THOC3: variants seen among roughly 807,000 people sequenced by gnomAD.
The protein encoded by THOC3 is THO complex subunit 3, also known as TEX1 homolog.
THOC3 carries 4 observed loss-of-function variants against 23.3 expected under a neutral mutation model. The observed-to-expected ratio is 0.17, with a 90% CI of 0.08 to 0.39. THOC3 has a LOEUF of 0.39. THOC3 is among the 10% of genes least tolerant of loss of function. THOC3 has a pLI of 1.00. For synonymous variants in THOC3, 27 were observed against 141.5 expected (o/e 0.19, Z 5.74); for missense variants, 64 against 359.4 (o/e 0.18, Z 6.65).
chr5:175,962,407 AAT>A lies in THOC3; in HGVS notation c.630-975_630-974del, dbSNP rs201051870. On this transcript the variant is annotated intron_variant, in intron 3 of 5. Transcript: ENST00000265097. ...GAATTCATAAGGTATTTTATCTTTA[AAT>A]ATATATATATATACACACACACACA... Among the ~76,000 whole-genome samples, 28 of 53,046 alleles carry A rather than the reference AAT, an allele frequency of 5.3e-4. 2 individuals are homozygous for A. Among genetic ancestry groups the A allele is most frequent in the Middle Eastern group, 0.013 (1 of 76 alleles). The allele number at this position is 53,046 out of a possible 152,430, so 34.8% of individuals were successfully genotyped here.
intron 2 of THOC3, among the ~76,000 whole-genome samples, chr5:175,966,380 G>GATAA (rs1399973515): frequency 6.0e-5 from 9 of 151,140 alleles, no homozygotes; most frequent in African/African-American, 2.2e-4. Flanking sequence ...CGCCTCCAGA[G>GATAA]ATAAGTCTTG....
intron 3 of THOC3, among the ~76,000 whole-genome samples, chr5:175,964,525 G>T (rs1756728494): frequency 6.6e-6 from 1 of 152,050 alleles, no homozygotes; most frequent in Non-Finnish European, 1.5e-5. Flanking sequence ...GCTGAGGCAG[G>T]AGAATCGCTT....
rs1756739311 is a variant in THOC3, at chr5:175,965,028, C to T, written c.552G>A (p.Glu184=). The T allele has an allele frequency of 2.0e-6, 3 of 1,536,936 alleles. No individual in the cohort carries two copies. Among genetic ancestry groups the T allele is most frequent in the Non-Finnish European group, 2.7e-6 (3 of 1,121,450 alleles). The part of the protein sequence containing the change: ...RSKAEEQFKF[E]VNEISWNNDN... ...CATTGTTCCAGGAGATTTCGTTGAC[C>T]TCGAACTTGAACTGCTCTTCTGCTT... The change falls in exon 3 of 6, where the codon GAG becomes GAA. Residue 184 remains glutamate, a synonymous_variant. Coordinates refer to ENST00000265097, the MANE Select transcript of THOC3 (RefSeq NM_032361.4).
At chr5:175,966,173 C>T (rs200843071) in intron 2 of THOC3, among the ~76,000 whole-genome samples, 3,988 of 150,072 alleles carry the variant, frequency 0.027, no homozygotes, top group East Asian at 0.098. Flanking sequence ...GGGCAAGACC[C>T]TGTCTCAAAA....
chr5:175,963,961 T>G (rs532944888), intron 3 of THOC3, among the ~76,000 whole-genome samples: 1 of 152,430 alleles, frequency 6.6e-6, no homozygotes, highest in Non-Finnish European at 1.5e-5. Flanking sequence ...GTCTGTTCTT[T>G]CCGTGGAATT....
At chr5:175,965,398 T>C (rs2113057144) in intron 2 of THOC3, 1 of 563,346 alleles carries the variant, frequency 1.8e-6, no homozygotes, top group Non-Finnish European at 3.2e-6. Flanking sequence ...ATTTATAAAA[T>C]CTATAAGATT....
rs1476116156 is a variant in THOC3 at position 175,962,421 on chromosome 5, T to TATAC, written c.630-988_630-987insGTAT. Among the ~76,000 whole-genome samples, 5 of 44,192 alleles carry TATAC rather than the reference T, an allele frequency of 1.1e-4. 1 individual carries two copies. The highest frequency in any genetic ancestry group is 1.0e-4 in the Non-Finnish European group (2 of 19,256). 29.0% of individuals were successfully genotyped at this position (44,192 alleles called of 152,430 possible). A position where few individuals can be genotyped will look rare whatever the true frequency, so the allele number is the denominator to read the frequency against. On this transcript the variant is annotated intron_variant, in intron 3 of 5. Coordinates refer to ENST00000265097, the MANE Select transcript of THOC3 (RefSeq NM_032361.4). The stretch of plus-strand genomic sequence containing the variant: ...TTTTATCTTTAAATATATATATATA[T>TATAC]ACACACACACACACACACACACGTA...
rs1298706467 is a variant in THOC3 at position 175,965,149 on chromosome 5, T to C, written c.431A>G (p.Asn144Ser). ...ATCAGGACTCCAGCAGATATTAATG[T>C]TCTCCCCTGGGAACCCAGACATAAT... ...CIATVNTKGENINICWSPDGQ... is the reference protein window; with the variant it reads ...CIATVNTKGESINICWSPDGQ... The change falls in exon 3 of 6, where the codon AAC (asparagine) becomes AGC (serine). Residue 144 changes from asparagine (N) to serine (S), a missense_variant. Transcript: ENST00000265097. 1 of 1,576,606 alleles carries C rather than the reference T, an allele frequency of 6.3e-7. No homozygotes were observed. The highest frequency in any genetic ancestry group is 1.4e-5 in the African/African-American group (1 of 73,094).
At chr5:175,961,931 G>A (rs1221973793) in intron 3 of THOC3, among the ~76,000 whole-genome samples, 10 of 151,206 alleles carry the variant, frequency 6.6e-5, no homozygotes, top group Non-Finnish European at 8.8e-5. Context: ...AACGCTTCCC[G>A]AGGAATCTTA....
At position 175,967,965 on chromosome 5, in the gene THOC3, A is replaced by C; in HGVS notation, c.244T>G (p.Phe82Val). 1 of 1,589,480 alleles carries C rather than the reference A, an allele frequency of 6.3e-7. No individual in the cohort carries two copies. Among genetic ancestry groups the C allele is most frequent in the Non-Finnish European group, 8.6e-7 (1 of 1,168,696 alleles). ...ACCAACCGGTCCTTCTCCAGCAAGA[A>C]GACGCTGGCCGTCTTGTCGAAGGAC... ...SGSFDKTASVFLLEKDRLVKE... is the reference protein window; with the variant it reads ...SGSFDKTASVVLLEKDRLVKE... Residue 82 changes from phenylalanine (F) to valine (V), a missense_variant, in exon 1 of 6, where the codon TTC becomes GTC. Transcript: ENST00000265097.
chr5:175,961,747 T>C (rs2113050568), intron 3 of THOC3, among the ~76,000 whole-genome samples: 1 of 152,058 alleles, frequency 6.6e-6, no homozygotes, highest in South Asian at 2.1e-4. Flanking sequence ...TGGAGTACCA[T>C]ATTTAAGAAA....
chr5:175,967,544 T>TACCACCACCGTACC (rs1756792229), intron 1 of THOC3: 4 of 216,710 alleles, frequency 1.8e-5, no homozygotes, highest in Admixed American at 7.2e-5. Context: ...ACCACCAACG[T>TACCACCACCGTACC]ACCACCACCA....
In THOC3 at chr5:175,968,210, C is replaced by G. The variant is rs1390268556; in HGVS notation, c.-2G>C. 1 of 1,563,382 alleles carries G rather than the reference C, an allele frequency of 6.4e-7. No homozygotes were observed. Among genetic ancestry groups the G allele is most frequent in the African/African-American group, 1.4e-5 (1 of 73,934 alleles). ...CATGGCTGCAGCGGGGACCGCCATG[C>G]CGAGCTCCCCAGCTTCCAACTCACA... On this transcript the variant is annotated 5_prime_UTR_variant, in exon 1 of 6. Coordinates refer to ENST00000265097, the MANE Select transcript of THOC3 (RefSeq NM_032361.4).
chr5:175,961,776 C>T (rs1469368951), intron 3 of THOC3, among the ~76,000 whole-genome samples: 16 of 151,894 alleles, frequency 1.1e-4, no homozygotes, highest in East Asian at 3.9e-4. Context: ...AGCGAGAAAA[C>T]GAGCCAAGGA....
chr5:175,965,440 C>A (rs1409663224), intron 2 of THOC3, among the ~76,000 whole-genome samples: 4 of 152,216 alleles, frequency 2.6e-5, no homozygotes, highest in East Asian at 3.8e-4. Context: ...GATAAGACGA[C>A]AAGCCAAAGT....
intron 3 of THOC3, among the ~76,000 whole-genome samples, chr5:175,962,225 T>C (rs867049905): frequency 5.5e-3 from 802 of 147,022 alleles, no homozygotes; most frequent in Middle Eastern, 0.018. Context: ...CCATGGGAGA[T>C]AGGTAATAAG....
At chr5:175,966,077 G>A (rs1756761458) in intron 2 of THOC3, among the ~76,000 whole-genome samples, 3 of 147,870 alleles carry the variant, frequency 2.0e-5, no homozygotes, top group South Asian at 4.3e-4. Flanking sequence ...CAGCTACTCA[G>A]GAGGTTGAGG....
chr5:175,963,249 C>T (rs1276729227), intron 3 of THOC3, among the ~76,000 whole-genome samples: 1 of 152,230 alleles, frequency 6.6e-6, no homozygotes, highest in Non-Finnish European at 1.5e-5. Flanking sequence ...ACATAAACAG[C>T]ATATGGAATC....
chr5:175,959,988 C>CCAAAA lies in THOC3; in HGVS notation c.1036_1037insTTTTG (p.Gly346ValfsTer13). ...CTCCTCTCAAGAATCATTAGGAAGCCCAAACAGCTTCACAGTTCCGGCTTC... is the reference window on the plus strand; with the variant it reads ...CTCCTCTCAAGAATCATTAGGAAGCCCAAAACAAACAGCTTCACAGTTCCGGCTTC... On this transcript the variant is annotated frameshift_variant, in exon 6 of 6. Transcript: ENST00000265097. LOFTEE classifies it high-confidence loss of function. 2 of 1,531,310 alleles carry CCAAAA rather than the reference C, an allele frequency of 1.3e-6. No homozygotes were observed. The highest frequency in any genetic ancestry group is 1.8e-6 in the Non-Finnish European group (2 of 1,138,712). 94.9% of individuals were successfully genotyped at this position (1,531,310 alleles called of 1,614,324 possible).
Sources: allele counts gnomAD v4.1 joint callset (sites outside exome capture counted in the v4.1 genomes callset), GRCh38; gene constraint gnomAD v4.1.1; transcripts MANE v1.5; gene names NCBI Gene and HGNC (gene_info 2026-07-23, HGNC 2026-07-21).